SEZ6L: variants seen among roughly 807,000 people sequenced by gnomAD.
SEZ6L encodes the protein seizure 6-like protein.
Under a neutral mutation model 106.2 loss-of-function variants are expected in SEZ6L, and 37 were observed. The ratio of observed to expected loss-of-function variants is 0.35; its 90% CI spans 0.27 to 0.46. SEZ6L has a LOEUF of 0.46. Ranked by LOEUF, SEZ6L falls within the 20% of genes least tolerant of loss-of-function variation. The pLI is 1.00. For synonymous variants in SEZ6L, 541 were observed against 570.4 expected (o/e 0.95, Z 0.73); for missense variants, 1,172 against 1,332.8 (o/e 0.88, Z 1.88).
intron 9 of SEZ6L, among the ~76,000 whole-genome samples, chr22:26,318,263 G>T (rs567228738): frequency 2.2e-4 from 34 of 151,912 alleles, no homozygotes; most frequent in Admixed American, 7.9e-4. Flanking sequence ...TAATAGAGAT[G>T]GGGTTTCACC....
Position 26,293,209 on chromosome 22 carries a change from G to A in SEZ6L, c.835+63G>A. ...GCCATGAGGCACTCACTATGTTCAG[G>A]GCATGTGGGTAGAGGAATCTCAAGA... On this transcript the variant is annotated intron_variant, in intron 2 of 16. Transcript: ENST00000248933. 3 of 1,451,658 alleles carry A rather than the reference G, an allele frequency of 2.1e-6. No homozygotes were observed. In the South Asian group the frequency reaches 4.4e-5, roughly 21 times the overall value. 89.9% of individuals were successfully genotyped at this position (1,451,658 alleles called of 1,614,324 possible).
intron 13 of SEZ6L, among the ~76,000 whole-genome samples, chr22:26,367,591 A>G (rs1458491771): frequency 1.3e-5 from 2 of 151,782 alleles, no homozygotes; most frequent in Non-Finnish European, 2.9e-5. Context: ...CGATCCTCCC[A>G]CCTCGGCCTC....
chr22:26,356,222 G>A (rs1463807527), intron 12 of SEZ6L, among the ~76,000 whole-genome samples: 2 of 152,108 alleles, frequency 1.3e-5, no homozygotes, highest in Non-Finnish European at 2.9e-5. Context: ...TTAAATACCA[G>A]TTCCATTTAT....
intron 9 of SEZ6L, among the ~76,000 whole-genome samples, chr22:26,335,779 C>T (rs536755511): frequency 2.3e-4 from 35 of 152,290 alleles, no homozygotes; most frequent in Middle Eastern, 3.4e-3. Context: ...AGGCAGGCAT[C>T]CCCAGTCTGA....
intron 1 of SEZ6L, among the ~76,000 whole-genome samples, chr22:26,222,450 G>C (rs557637742): frequency 6.6e-6 from 1 of 152,328 alleles, no homozygotes; most frequent in Admixed American, 6.5e-5. Flanking sequence ...TCTCTGGAAG[G>C]AGTTATTGCT....
At chr22:26,192,303 T>TGG (rs1940271481) in intron 1 of SEZ6L, among the ~76,000 whole-genome samples, 1 of 152,236 alleles carries the variant, frequency 6.6e-6, no homozygotes, top group Non-Finnish European at 1.5e-5. Flanking sequence ...CTTGGTTTGA[T>TGG]CTAAGCAGTA....
At chr22:26,235,345 G>A (rs945275323) in intron 1 of SEZ6L, among the ~76,000 whole-genome samples, 3 of 152,144 alleles carry the variant, frequency 2.0e-5, no homozygotes, top group Non-Finnish European at 2.9e-5. Flanking sequence ...GAGTATCCAT[G>A]TATTTATTCA....
chr22:26,234,100 C>T (rs141814916), intron 1 of SEZ6L, among the ~76,000 whole-genome samples: 37 of 152,268 alleles, frequency 2.4e-4, no homozygotes, highest in African/African-American at 7.7e-4. Context: ...GCATGGGGGA[C>T]GTGAATCAGC....
In SEZ6L at chr22:26,263,330, G is replaced by A. The variant is rs77434950; in HGVS notation, c.95-29076G>A. ...AGCCTTGCAGAAGTAGCCCCCACCCGTCAGGGTGCATGTGACGGCTAATGG... is the reference window on the plus strand; with the variant it reads ...AGCCTTGCAGAAGTAGCCCCCACCCATCAGGGTGCATGTGACGGCTAATGG... On this transcript the variant is annotated intron_variant, in intron 1 of 16. Coordinates refer to ENST00000248933, the MANE Select transcript of SEZ6L (RefSeq NM_021115.5). 3.5e-3 allele frequency among the ~76,000 whole-genome samples: 527 copies of A among 152,318 alleles called. 16 individuals are homozygous for A. In the East Asian group the frequency reaches 0.054, roughly 16 times the overall value.
intron 9 of SEZ6L, among the ~76,000 whole-genome samples, chr22:26,325,927 C>CCACA (rs59284489): frequency 0.046 from 6,814 of 149,370 alleles, 492 homozygotes; most frequent in African/African-American, 0.16. Flanking sequence ...ATCACACACA[C>CCACA]CACACACACA....
intron 1 of SEZ6L, among the ~76,000 whole-genome samples, chr22:26,209,994 G>A (rs1336337213): frequency 6.7e-6 from 1 of 149,918 alleles, no homozygotes. Flanking sequence ...AGGAAGGGAG[G>A]AAGGAAGGAA....
Position 26,275,055 on chromosome 22 carries a change from C to T in SEZ6L, c.95-17351C>T, listed in dbSNP as rs548445490. 1.6e-3 allele frequency among the ~76,000 whole-genome samples: 237 copies of T among 152,276 alleles called. 2 individuals carry two copies. The South Asian group carries it at 0.04, about 26-fold the overall frequency. On this transcript the variant is annotated intron_variant, in intron 1 of 16. Transcript: ENST00000248933. ...CAAGCAGGATATTCCAAGGACTTAG[C>T]GGTTACCTCTCTGGAGCCAAGCTCA... is the stretch of plus-strand genomic sequence containing the variant.
chr22:26,173,531 AGGTTAAT>A (rs1938767941), intron 1 of SEZ6L, among the ~76,000 whole-genome samples: 1 of 152,214 alleles, frequency 6.6e-6, no homozygotes, highest in Non-Finnish European at 1.5e-5. Context: ...GCAGGAGAGC[AGGTTAAT>A]GGTTGGGAAG....
intron 9 of SEZ6L, among the ~76,000 whole-genome samples, chr22:26,325,124 A>G (rs892306903): frequency 3.3e-5 from 5 of 152,138 alleles, no homozygotes; most frequent in African/African-American, 9.7e-5. Flanking sequence ...GATTGGCCAG[A>G]GTTTCAAGAA....
intron 9 of SEZ6L, among the ~76,000 whole-genome samples, chr22:26,327,717 G>A (rs538579658): frequency 1.1e-3 from 163 of 151,714 alleles, no homozygotes; most frequent in Non-Finnish European, 2.0e-3. Context: ...ACGCACATGC[G>A]CCACACACTA....
chr22:26,269,397 G>T (rs1279517842), intron 1 of SEZ6L, among the ~76,000 whole-genome samples: 1 of 152,198 alleles, frequency 6.6e-6, no homozygotes, highest in Non-Finnish European at 1.5e-5. Flanking sequence ...CTGGCAGGGG[G>T]TCAGGAACTT....
At chr22:26,362,444 C>T (rs992250876) in intron 12 of SEZ6L, among the ~76,000 whole-genome samples, 4 of 152,230 alleles carry the variant, frequency 2.6e-5, no homozygotes, top group Admixed American at 6.5e-5. Flanking sequence ...AGCCCCTTCC[C>T]TTGGCTACTT....
intron 1 of SEZ6L, among the ~76,000 whole-genome samples, chr22:26,239,946 C>A (rs889678283): frequency 2.0e-5 from 3 of 151,890 alleles, no homozygotes; most frequent in Middle Eastern, 3.2e-3. Context: ...TTCACCTCAC[C>A]CTTGGCTTAA....
intron 1 of SEZ6L, among the ~76,000 whole-genome samples, chr22:26,172,611 G>C (rs1219669538): frequency 1.3e-5 from 2 of 152,170 alleles, no homozygotes; most frequent in Non-Finnish European, 2.9e-5. Context: ...TGGCGACTAA[G>C]GGCAGAAGAG....
Sources: gnomAD v4.1 joint callset for allele counts (sites outside exome capture counted in the v4.1 genomes callset) on GRCh38, gnomAD v4.1.1 for gene constraint, MANE v1.5 for transcripts, NCBI Gene and HGNC (gene_info 2026-07-23, HGNC 2026-07-21) for gene names.